DRC11: variants seen among roughly 807,000 people sequenced by gnomAD.
DRC11 encodes IQ and AAA domain-containing protein 1.
chr2:236,374,398 G>T, the DRC11 span, among the ~76,000 whole-genome samples: 3 of 152,138 alleles, frequency 2.0e-5, no homozygotes, highest in African/African-American at 7.2e-5. Flanking sequence ...GACTACTTTG[G>T]TTAGATTGAG....
chr2:236,436,994 G>A, the DRC11 span, among the ~76,000 whole-genome samples: 1 of 151,860 alleles, frequency 6.6e-6, no homozygotes, highest in South Asian at 2.1e-4. Flanking sequence ...ACAATGTGCA[G>A]GTTAGTTACA....
At chr2:236,491,137 ATACAGTATATATATACACACAG>A in the DRC11 span, among the ~76,000 whole-genome samples, 57 of 106,446 alleles carry the variant, frequency 5.4e-4, 1 homozygote, top group African/African-American at 2.1e-3. Context: ...ATATATATAT[ATACAGTATATATATACACACAG>A]TATATATATA....
At chr2:236,406,401 C>T in the DRC11 span, among the ~76,000 whole-genome samples, 6 of 152,286 alleles carry the variant, frequency 3.9e-5, no homozygotes, top group African/African-American at 1.4e-4. This position sits in a 1 kb window ranked among gnomAD's most constrained non-coding sequence, Gnocchi z 4.7. Context: ...GCTAACATCT[C>T]ACACTGGTAG....
chr2:236,307,462 T>A, the DRC11 span, among the ~76,000 whole-genome samples: 1 of 152,212 alleles, frequency 6.6e-6, no homozygotes, highest in Admixed American at 6.5e-5. The surrounding 1 kb of genome is among the most constrained non-coding windows in gnomAD (Gnocchi z 7.0). Context: ...ACATGCTATT[T>A]GTAAAGCTTA....
At chr2:236,447,881 CAGGGGAGGGT>C in the DRC11 span, among the ~76,000 whole-genome samples, 1 of 76,766 alleles carries the variant, frequency 1.3e-5, no homozygotes, top group African/African-American at 5.3e-5. The surrounding 1 kb of genome is among the most constrained non-coding windows in gnomAD (Gnocchi z 4.6). Flanking sequence ...GAAAGCTGGC[CAGGGGAGGGT>C]GGGGGAGGGT....
the DRC11 span, among the ~76,000 whole-genome samples, chr2:236,504,133 C>T: frequency 1.3e-5 from 2 of 151,340 alleles, no homozygotes; most frequent in African/African-American, 2.4e-5. The surrounding 1 kb of genome is among the most constrained non-coding windows in gnomAD (Gnocchi z 5.0). Context: ...CTTGGCAACC[C>T]CTAACCTAAT....
chr2:236,375,886 C>G, the DRC11 span, among the ~76,000 whole-genome samples: 1 of 152,338 alleles, frequency 6.6e-6, no homozygotes, highest in Admixed American at 6.5e-5. The surrounding 1 kb of genome is among the most constrained non-coding windows in gnomAD (Gnocchi z 4.2). Context: ...ACAACTGCTA[C>G]AGCAATAACT....
chr2:236,445,951 C>T, the DRC11 span, among the ~76,000 whole-genome samples: 2 of 152,136 alleles, frequency 1.3e-5, no homozygotes, highest in Admixed American at 6.5e-5. This position sits in a 1 kb window ranked among gnomAD's most constrained non-coding sequence, Gnocchi z 4.8. Flanking sequence ...AGCTTGGACC[C>T]CTGCTGTGCG....
the DRC11 span, among the ~76,000 whole-genome samples, chr2:236,337,172 G>A: frequency 6.6e-6 from 1 of 152,148 alleles, no homozygotes; most frequent in African/African-American, 2.4e-5. This position sits in a 1 kb window ranked among gnomAD's most constrained non-coding sequence, Gnocchi z 4.9. Flanking sequence ...ACTTTCATGT[G>A]ACTCTCACAT....
At chr2:236,444,763 A>G in the DRC11 span, among the ~76,000 whole-genome samples, 1 of 152,334 alleles carries the variant, frequency 6.6e-6, no homozygotes, top group East Asian at 1.9e-4. Flanking sequence ...TCACTCCTCC[A>G]TCCATCAAAC....
At chr2:236,462,822 G>A in the DRC11 span, among the ~76,000 whole-genome samples, 1 of 152,148 alleles carries the variant, frequency 6.6e-6, no homozygotes, top group African/African-American at 2.4e-5. This position sits in a 1 kb window ranked among gnomAD's most constrained non-coding sequence, Gnocchi z 6.4. Flanking sequence ...TTGAAAGAGA[G>A]ACATTTAAAT....
the DRC11 span, among the ~76,000 whole-genome samples, chr2:236,340,311 G>C: frequency 6.6e-6 from 1 of 152,156 alleles, no homozygotes; most frequent in African/African-American, 2.4e-5. Flanking sequence ...TTTTAATACA[G>C]ACAAGGTTTG....
chr2:236,373,923 AAG>A, the DRC11 span, among the ~76,000 whole-genome samples: 2 of 152,074 alleles, frequency 1.3e-5, no homozygotes, highest in Non-Finnish European at 2.9e-5. Context: ...TTTAATTCCC[AAG>A]AGTTTCTTTG....
chr2:236,447,585 G>A, the DRC11 span, among the ~76,000 whole-genome samples: 1 of 152,188 alleles, frequency 6.6e-6, no homozygotes, highest in Non-Finnish European at 1.5e-5. The surrounding 1 kb of genome is among the most constrained non-coding windows in gnomAD (Gnocchi z 4.6). Flanking sequence ...GTTGACTAAT[G>A]GTTCGGAAAT....
At chr2:236,327,832 G>T in the DRC11 span, among the ~76,000 whole-genome samples, 1 of 151,934 alleles carries the variant, frequency 6.6e-6, no homozygotes, top group Non-Finnish European at 1.5e-5. Flanking sequence ...ACAGGCATGT[G>T]CCACCACGTC....
chr2:236,435,320 G>A, the DRC11 span, among the ~76,000 whole-genome samples: 2,240 of 152,354 alleles, frequency 0.015, 61 homozygotes, highest in African/African-American at 0.051. Context: ...GCAGGGGTCA[G>A]CAAATTATGG....
chr2:236,462,584 T>A, the DRC11 span, among the ~76,000 whole-genome samples: 1 of 152,036 alleles, frequency 6.6e-6, no homozygotes, highest in African/African-American at 2.4e-5. This position sits in a 1 kb window ranked among gnomAD's most constrained non-coding sequence, Gnocchi z 6.4. Flanking sequence ...GGCAGAAGAA[T>A]CGCTTAAACT....
chr2:236,503,480 C>T, the DRC11 span: 1 of 791,610 alleles, frequency 1.3e-6, no homozygotes. The surrounding 1 kb of genome is among the most constrained non-coding windows in gnomAD (Gnocchi z 4.9). Flanking sequence ...AAAGACAGTC[C>T]TGGTGGCTTG....
chr2:236,465,574 T>C, the DRC11 span: 1 of 1,614,028 alleles, frequency 6.2e-7, no homozygotes, highest in East Asian at 2.2e-5. The surrounding 1 kb of genome is among the most constrained non-coding windows in gnomAD (Gnocchi z 6.2). Context: ...TTCTATCAAC[T>C]TTAGGTCATT....
Sources: allele counts gnomAD v4.1 joint callset (sites outside exome capture counted in the v4.1 genomes callset), GRCh38; gene constraint gnomAD v4.1.1; non-coding constraint Gnocchi (gnomAD v3.1); transcripts MANE v1.5; gene names NCBI Gene and HGNC (gene_info 2026-07-23, HGNC 2026-07-21).